ZNF438: variants seen among roughly 807,000 people sequenced by gnomAD.
ZNF438 encodes the protein zinc finger protein 438.
Under a neutral mutation model 38.0 loss-of-function variants are expected in ZNF438, and 25 were observed. The observed-to-expected ratio is 0.66, with a 90% CI of 0.48 to 0.92. The LOEUF is 0.92. Among genes scored for constraint, ZNF438 ranks in the 40% least tolerant of loss-of-function variants. The pLI is 0.00. For synonymous variants in ZNF438, 372 were observed against 364.1 expected (o/e 1.02, Z -0.25); for missense variants, 1,007 against 999.6 (o/e 1.01, Z -0.10).
intron 4 of ZNF438, among the ~76,000 whole-genome samples, chr10:30,872,767 A>AAAAAAAAAAT (rs2037689924): frequency 6.6e-6 from 1 of 151,356 alleles, no homozygotes; most frequent in African/African-American, 2.4e-5. Context: ...AAAAAAAAAA[A>AAAAAAAAAAT]GAATTGACTC....
rs116693635 is a variant in ZNF438 at position 30,858,305 on chromosome 10, T to G, written c.38-7938A>C. Reference sequence around the variant, plus strand: ...TCCCTGCCACTTGGCTTTCAAATAATAAATTCCACTTGGGGTTCAAACTGT... The same window carrying G: ...TCCCTGCCACTTGGCTTTCAAATAAGAAATTCCACTTGGGGTTCAAACTGT... On this transcript the variant is annotated intron_variant, in intron 4 of 5. Transcript: ENST00000413025. Among the ~76,000 whole-genome samples, 1,362 of 152,368 alleles carry G rather than the reference T, an allele frequency of 8.9e-3. 21 individuals carry two copies. The highest frequency in any genetic ancestry group is 0.03 in the African/African-American group (1,260 of 41,584).
intron 3 of ZNF438, among the ~76,000 whole-genome samples, chr10:30,893,978 A>G (rs1299745120): frequency 6.6e-6 from 1 of 152,222 alleles, no homozygotes; most frequent in Admixed American, 6.5e-5. Context: ...TTTGTTAATG[A>G]ATAAAACCAC....
chr10:30,886,808 T>C (rs1299594905), intron 3 of ZNF438, among the ~76,000 whole-genome samples: 1 of 152,228 alleles, frequency 6.6e-6, no homozygotes, highest in Non-Finnish European at 1.5e-5. Flanking sequence ...TAACTTTTTT[T>C]GTTTTTTTAC....
chr10:30,898,915 A>C (rs991977934), intron 3 of ZNF438, among the ~76,000 whole-genome samples: 2 of 152,152 alleles, frequency 1.3e-5, no homozygotes, highest in African/African-American at 4.8e-5. Context: ...CTAAACTCAA[A>C]ATAATTTCAA....
chr10:30,865,768 G>A (rs1189733971), intron 4 of ZNF438, among the ~76,000 whole-genome samples: 2 of 152,158 alleles, frequency 1.3e-5, no homozygotes, highest in South Asian at 2.1e-4. Flanking sequence ...GAGAGTAGAC[G>A]TCTGGCTTTG....
intron 4 of ZNF438, chr10:30,875,470 C>T (rs2038266022): frequency 1.0e-6 from 1 of 984,242 alleles, no homozygotes. Context: ...TTTCCTGATA[C>T]TTGTTCCATT....
At chr10:30,888,362 A>ACACACAC (rs1564574714) in intron 3 of ZNF438, among the ~76,000 whole-genome samples, 6 of 36,518 alleles carry the variant, frequency 1.6e-4, no homozygotes, top group Non-Finnish European at 4.9e-4. Flanking sequence ...CACACACACA[A>ACACACAC]ACACACACAT....
chr10:30,961,256 A>T (rs1257154241), intron 1 of ZNF438, among the ~76,000 whole-genome samples: 35 of 131,974 alleles, frequency 2.7e-4, no homozygotes, highest in African/African-American at 6.3e-4. Context: ...AAAAAAAATT[A>T]AAAAAAAAAA....
At chr10:31,009,842 C>CT (rs34508005) in intron 1 of ZNF438, among the ~76,000 whole-genome samples, 2,015 of 116,296 alleles carry the variant, frequency 0.017, 48 homozygotes, top group African/African-American at 0.032. Context: ...CTTATCAATT[C>CT]TTTTTTTTTT....
intron 1 of ZNF438, among the ~76,000 whole-genome samples, chr10:31,005,895 G>C (rs975490673): frequency 6.6e-6 from 1 of 152,178 alleles, no homozygotes; most frequent in Non-Finnish European, 1.5e-5. Context: ...ACAGATCTGG[G>C]TTAAAATATC....
At chr10:30,945,388 C>CTTTTTTTTTTTTTTTTTTTTTTTT (rs61149961) in intron 1 of ZNF438, among the ~76,000 whole-genome samples, 1 of 141,124 alleles carries the variant, frequency 7.1e-6, no homozygotes, top group Non-Finnish European at 1.5e-5. Context: ...GATTCTTTTA[C>CTTTTTTTTTTTTTTTTTTTTTTTT]TTTTTTTTTT....
intron 1 of ZNF438, among the ~76,000 whole-genome samples, chr10:31,015,822 C>T (rs1483207986): frequency 6.6e-6 from 1 of 152,200 alleles, no homozygotes; most frequent in East Asian, 1.9e-4. Flanking sequence ...GATGAGGACC[C>T]TCTTCCTTGC....
intron 1 of ZNF438, 145 bp downstream of exon 2, chr10:30,984,224 T>C (rs1015199078): frequency 1.3e-5 from 2 of 152,192 alleles, no homozygotes; most frequent in Non-Finnish European, 2.9e-5. Context: ...CATGTAAATG[T>C]GATATTTCTA....
chr10:30,911,533 A>T (rs2043077520), intron 2 of ZNF438, among the ~76,000 whole-genome samples: 1 of 152,148 alleles, frequency 6.6e-6, no homozygotes, highest in African/African-American at 2.4e-5. Context: ...AGAAATGGAC[A>T]CATACAATAC....
chr10:30,963,052 A>C (rs2049677427), intron 1 of ZNF438, among the ~76,000 whole-genome samples: 1 of 152,246 alleles, frequency 6.6e-6, no homozygotes, highest in Non-Finnish European at 1.5e-5. Flanking sequence ...AAAACAAAAA[A>C]TAGGACTAAA....
intron 1 of ZNF438, among the ~76,000 whole-genome samples, chr10:30,960,963 A>G (rs1451924665): frequency 1.4e-5 from 2 of 146,324 alleles, no homozygotes; most frequent in Non-Finnish European, 3.1e-5. Context: ...AATGCCTACT[A>G]TGTACCAGGC....
At chr10:30,894,438 A>G (rs1487284642) in intron 3 of ZNF438, among the ~76,000 whole-genome samples, 1 of 152,178 alleles carries the variant, frequency 6.6e-6, no homozygotes, top group Non-Finnish European at 1.5e-5. Flanking sequence ...GGAAGTATTA[A>G]TGTGTGTGTC....
chr10:30,935,201 A>G (rs1216507432), intron 2 of ZNF438, among the ~76,000 whole-genome samples: 1 of 152,254 alleles, frequency 6.6e-6, no homozygotes, highest in Non-Finnish European at 1.5e-5. Flanking sequence ...GTGGTGTTAA[A>G]TAACTTGTTC....
chr10:30,899,669 G>C (rs1000894644), intron 3 of ZNF438, among the ~76,000 whole-genome samples: 1 of 149,270 alleles, frequency 6.7e-6, no homozygotes, highest in Non-Finnish European at 1.5e-5. Flanking sequence ...CCCACACACA[G>C]GGCACACAGA....
Sources: allele counts gnomAD v4.1 joint callset (sites outside exome capture counted in the v4.1 genomes callset), GRCh38; gene constraint gnomAD v4.1.1; transcripts MANE v1.5; gene names NCBI Gene and HGNC (gene_info 2026-07-23, HGNC 2026-07-21).